Variants in SPRYD3 observed in about 807,000 individuals in gnomAD.
SPRYD3 encodes the protein SPRY domain containing 3.
In SPRYD3, 17 loss-of-function variants were observed where a neutral mutation model predicts 50.1. The observed-to-expected ratio is 0.34, with a 90% CI of 0.23 to 0.51. The LOEUF (loss-of-function observed/expected upper bound fraction) is 0.51, where lower values mean the gene tolerates loss of function less well. SPRYD3 is among the 20% of genes least tolerant of loss of function. The probability of loss-of-function intolerance (pLI) is 0.97; values close to 1 mark genes in which losing one functional copy is unlikely to be tolerated. For missense variants in SPRYD3, 401 were observed against 591.2 expected (o/e 0.68, Z 3.34); for synonymous variants, 198 against 215.5 (o/e 0.92, Z 0.71).
At chr12:53,071,327 G>T (rs935485074) in intron 6 of SPRYD3, among the ~76,000 whole-genome samples, 8 of 152,134 alleles carry the variant, frequency 5.3e-5, no homozygotes, top group Admixed American at 3.9e-4. Flanking sequence ...CTGTGAACAG[G>T]GCACAAACAC....
chr12:53,075,065 A>C, intron 4 of SPRYD3, 30 bp downstream of exon 4: 1 of 1,603,912 alleles, frequency 6.2e-7, no homozygotes, highest in Non-Finnish European at 8.5e-7. Flanking sequence ...TTCATAGGAA[A>C]AGGGCCGGGT....
Position 53,068,272 on chromosome 12 carries a change from G to A in SPRYD3, c.726C>T (p.Ile242=), listed in dbSNP as rs377569261. 1.2e-5 allele frequency: 19 copies of A among 1,614,048 alleles called. No homozygotes were observed. The highest frequency in any genetic ancestry group is 5.3e-5 in the African/African-American group (4 of 74,940). The stretch of plus-strand genomic sequence containing the variant: ...GGGCCTGGGCCAGCCCCACATCCAC[G>A]ATGCTTTTGCCCTTCCCTAAGTACT... ...LLEYLGKGKS[I]VDVGLAQARH... Residue 242 remains isoleucine, a synonymous_variant, in exon 7 of 11, where the codon ATC becomes ATT. Coordinates refer to ENST00000301463, the MANE Select transcript of SPRYD3 (RefSeq NM_032840.3).
In SPRYD3 at chr12:53,074,554, G is replaced by T; in HGVS notation, c.507+95C>A. On this transcript the variant is annotated intron_variant, in intron 5 of 10. Transcript: ENST00000301463. This position sits in a 1 kb window ranked among gnomAD's most constrained non-coding sequence, Gnocchi z 4.6. ...ATGGGAACTCAGTGCAAGGGTCCCTGGGCAAGCCCCAGCCAGCAGACTCTT... is the reference window on the plus strand; with the variant it reads ...ATGGGAACTCAGTGCAAGGGTCCCTTGGCAAGCCCCAGCCAGCAGACTCTT... 1 of 1,516,426 alleles carries T rather than the reference G, an allele frequency of 6.6e-7. No individual in the cohort carries two copies. The highest frequency in any genetic ancestry group is 9.1e-7 in the Non-Finnish European group (1 of 1,102,260). 93.9% of individuals were successfully genotyped at this position (1,516,426 alleles called of 1,614,324 possible). A position where few individuals can be genotyped will look rare whatever the true frequency, so the allele number is the denominator to read the frequency against.
chr12:53,075,796 A>C lies in SPRYD3; in HGVS notation c.186T>G (p.Ser62=), dbSNP rs1944583609. Residue 62 remains serine (S), a synonymous_variant, in exon 3 of 11, where the codon TCT becomes TCG. Transcript: ENST00000301463. The part of the protein sequence containing the change: ...DGDTLSYHGN[S]GEVGCYVASR... ...AAGCCACGTAGCAGCCAACTTCACC[A>C]GAGTTTCCATGATAACTGAAGGAGG... 1 of 1,614,036 alleles carries C rather than the reference A, an allele frequency of 6.2e-7. No homozygotes were observed. Among genetic ancestry groups the C allele is most frequent in the East Asian group, 2.2e-5 (1 of 44,886 alleles).
chr12:53,073,571 G>A (rs1592266060), intron 5 of SPRYD3, 100 bp from the exon 6 acceptor site: 6 of 1,001,220 alleles, frequency 6.0e-6, no homozygotes, highest in Middle Eastern at 5.8e-4. Flanking sequence ...CCAGCCGGGC[G>A]TGGTGGCTCA....
Position 53,067,712 on chromosome 12 carries a change from CA to C in SPRYD3, c.844-8del. ...GCCTGTTCTTGGGATAGTCCTGCACCAAGAAGAGAAAAGAAAATCTATGGTC... is the reference window on the plus strand; with the variant it reads ...GCCTGTTCTTGGGATAGTCCTGCACCAGAAGAGAAAAGAAAATCTATGGTC... On this transcript the variant is annotated splice_polypyrimidine_tract_variant and splice_region_variant and intron_variant, in intron 7 of 10. Transcript: ENST00000301463. The C allele has an allele frequency of 6.2e-7, 1 of 1,613,544 alleles. No individual in the cohort carries two copies. Among genetic ancestry groups the C allele is most frequent in the Non-Finnish European group, 8.5e-7 (1 of 1,179,596 alleles).
At chr12:53,078,700 T>A (rs1257195324) in intron 1 of SPRYD3, among the ~76,000 whole-genome samples, 2 of 152,144 alleles carry the variant, frequency 1.3e-5, no homozygotes, top group Non-Finnish European at 2.9e-5. Flanking sequence ...CATCAGTCCC[T>A]ACATATAAAT....
At chr12:53,066,278 A>G (rs1944505614) in intron 10 of SPRYD3, 36 bp downstream of exon 10, 4 of 1,602,634 alleles carry the variant, frequency 2.5e-6, no homozygotes, top group Non-Finnish European at 3.4e-6. Flanking sequence ...CCCAGACCCA[A>G]AAACCCTGGT....
intron 6 of SPRYD3, among the ~76,000 whole-genome samples, chr12:53,068,659 C>T (rs1381359368): frequency 1.3e-5 from 2 of 152,108 alleles, no homozygotes; most frequent in South Asian, 2.1e-4. Flanking sequence ...GGGAAAGGTC[C>T]GCCCAGGGTC....
chr12:53,077,112 C>T lies in SPRYD3; in HGVS notation c.170+3G>A, dbSNP rs1359911504. 2 of 1,613,996 alleles carry T rather than the reference C, an allele frequency of 1.2e-6. No homozygotes were observed. The highest frequency in any genetic ancestry group is 3.3e-5 in the Admixed American group (2 of 60,024). ...AAATGTGGAAGCATTCTCCTGAACT[C>T]ACCTTAAAGTATCTCCATCTACAAG... On this transcript the variant is annotated splice_donor_region_variant and intron_variant, in intron 2 of 10. Transcript: ENST00000301463.
At chr12:53,070,313 GC>G (rs1944540480) in intron 6 of SPRYD3, among the ~76,000 whole-genome samples, 1 of 152,180 alleles carries the variant, frequency 6.6e-6, no homozygotes, top group South Asian at 2.1e-4. Context: ...CCCCTCCTGA[GC>G]CTTCCCAGAG....
chr12:53,071,365 C>T (rs1437907114), intron 6 of SPRYD3, among the ~76,000 whole-genome samples: 2 of 152,200 alleles, frequency 1.3e-5, no homozygotes, highest in Non-Finnish European at 2.9e-5. Flanking sequence ...CCAGCTGTTA[C>T]CTACCGCCCC....
At chr12:53,067,827 T>A (rs1464554696) in intron 7 of SPRYD3, 122 bp from the exon 8 acceptor site, 4 of 913,498 alleles carry the variant, frequency 4.4e-6, no homozygotes, top group Non-Finnish European at 7.1e-6. Flanking sequence ...CCCTGCACAC[T>A]CATACCCTGC....
intron 3 of SPRYD3, 80 bp downstream of exon 3, chr12:53,075,656 C>A: frequency 1.7e-6 from 2 of 1,145,470 alleles, no homozygotes; most frequent in Non-Finnish European, 2.6e-6. Context: ...GGTCATACAT[C>A]TAGTAAAGGA....
Position 53,065,749 on chromosome 12 carries a change from C to T in SPRYD3, c.*83G>A, listed in dbSNP as rs78368009. The T allele has an allele frequency of 3.7e-4, 540 of 1,467,480 alleles. No homozygotes were observed. In the African/African-American group the frequency reaches 6.4e-3, roughly 17 times the overall value. 90.9% of individuals were successfully genotyped at this position (1,467,480 alleles called of 1,614,324 possible). Reference sequence around the variant, plus strand: ...CACCTCCAGGGGCCTGCTGGGTAAACGAAGCCTCTGGGAAGTCAGGAACTG... The same window carrying T: ...CACCTCCAGGGGCCTGCTGGGTAAATGAAGCCTCTGGGAAGTCAGGAACTG... On this transcript the variant is annotated 3_prime_UTR_variant, in exon 11 of 11. Transcript: ENST00000301463.
At chr12:53,066,904 G>A (rs147599668) in intron 8 of SPRYD3, among the ~76,000 whole-genome samples, 3,050 of 152,286 alleles carry the variant, frequency 0.02, 43 homozygotes, top group Non-Finnish European at 0.032. Context: ...CCTGAAGTCA[G>A]GAGTTTGAGA....
At position 53,065,719 on chromosome 12, in the gene SPRYD3, C is replaced by T. The variant is rs544303659; in HGVS notation, c.*113G>A. On this transcript the variant is annotated 3_prime_UTR_variant, in exon 11 of 11. Transcript: ENST00000301463. ...GCCTGAGCCAGTGGGGGCAGAGTGACTACACACCTCCAGGGGCCTGCTGGG... is the reference window on the plus strand; with the variant it reads ...GCCTGAGCCAGTGGGGGCAGAGTGATTACACACCTCCAGGGGCCTGCTGGG... 1.4e-5 allele frequency: 16 copies of T among 1,152,436 alleles called. No individual in the cohort carries two copies. Among genetic ancestry groups the T allele is most frequent in the Non-Finnish European group, 1.8e-5 (14 of 798,584 alleles). The allele number at this position is 1,152,436 out of a possible 1,614,324, so 71.4% of individuals were successfully genotyped here. A position where few individuals can be genotyped will look rare whatever the true frequency, so the allele number is the denominator to read the frequency against.
intron 6 of SPRYD3, among the ~76,000 whole-genome samples, chr12:53,071,064 G>A (rs1315783171): frequency 6.6e-6 from 1 of 152,038 alleles, no homozygotes; most frequent in Admixed American, 6.5e-5. Context: ...CTCCCCTGCC[G>A]GTATCCGCCC....
Position 53,065,496 on chromosome 12 carries a change from T to A in SPRYD3, c.*336A>T, listed in dbSNP as rs758878099. The A allele has an allele frequency of 1.0e-4, 27 of 269,940 alleles. No homozygotes were observed. The highest frequency in any genetic ancestry group is 1.6e-4 in the Non-Finnish European group (23 of 141,136). 16.7% of individuals were successfully genotyped at this position (269,940 alleles called of 1,614,324 possible). A position where few individuals can be genotyped will look rare whatever the true frequency, so the allele number is the denominator to read the frequency against. ...TGCCCGAATAGCAGCTGAGATAGGG[T>A]GCTCACGCCTCTCCACCCACACAGG... On this transcript the variant is annotated 3_prime_UTR_variant, in exon 11 of 11. Transcript: ENST00000301463.
Sources: allele counts gnomAD v4.1 joint callset (sites outside exome capture counted in the v4.1 genomes callset), GRCh38; gene constraint gnomAD v4.1.1; non-coding constraint Gnocchi (gnomAD v3.1); transcripts MANE v1.5; gene names NCBI Gene and HGNC (gene_info 2026-07-23, HGNC 2026-07-21).